CTNNB1: variants seen among roughly 807,000 people sequenced by gnomAD.
CTNNB1 encodes catenin beta-1.
In CTNNB1, 6 loss-of-function variants were observed where a neutral mutation model predicts 82.5. The observed-to-expected ratio is 0.07, with a 90% confidence interval of 0.04 to 0.14. CTNNB1 has a LOEUF of 0.14. Ranked by LOEUF, CTNNB1 falls within the 10% of genes least tolerant of loss-of-function variation. CTNNB1 has a pLI of 1.00. For synonymous variants in CTNNB1, 312 were observed against 329.7 expected (o/e 0.95, Z 0.58); for missense variants, 529 against 980.4 (o/e 0.54, Z 6.15).
Position 41,239,571 on chromosome 3 carries a change from T to G in CTNNB1, c.*229T>G, listed in dbSNP as rs1254713454. The G allele has an allele frequency of 5.3e-6, 3 of 570,294 alleles. No homozygotes were observed. The highest frequency in any genetic ancestry group is 9.4e-6 in the Non-Finnish European group (3 of 319,030). The allele number at this position is 570,294 out of a possible 1,614,324, so 35.3% of individuals were successfully genotyped here. On this transcript the variant is annotated 3_prime_UTR_variant, in exon 15 of 15. Coordinates refer to ENST00000349496, the MANE Select transcript of CTNNB1 (RefSeq NM_001904.4). ...TGTGTGGAAGTTATTAACTTTAATG[T>G]TTTTTGCCACAGCTTTTGCAACTTA...
chr3:41,217,273 T>TA (rs1306367964), intron 1 of CTNNB1, among the ~76,000 whole-genome samples: 1 of 152,176 alleles, frequency 6.6e-6, no homozygotes, highest in African/African-American at 2.4e-5. Flanking sequence ...GACCACCCAC[T>TA]AGAGTAGCAC....
intron 7 of CTNNB1, among the ~76,000 whole-genome samples, chr3:41,229,460 T>C (rs527827543): frequency 3.0e-4 from 46 of 152,316 alleles, no homozygotes; most frequent in African/African-American, 1.1e-3. Context: ...TTTATTCTTT[T>C]TGTGGCTTTG....
At chr3:41,234,015 T>G in intron 9 of CTNNB1, 124 bp from the exon 10 acceptor site, 1 of 1,449,882 alleles carries the variant, frequency 6.9e-7, no homozygotes, top group Non-Finnish European at 9.7e-7. Flanking sequence ...GGGGTAAGAT[T>G]CTGAAATGTT....
intron 1 of CTNNB1, among the ~76,000 whole-genome samples, chr3:41,205,316 T>C (rs1196498009): frequency 6.6e-6 from 1 of 152,224 alleles, no homozygotes; most frequent in African/African-American, 2.4e-5. Context: ...TTACTTAAAT[T>C]AATGGCAAAT....
At chr3:41,234,645 A>C in intron 10 of CTNNB1, 1 of 302,302 alleles carries the variant, frequency 3.3e-6, no homozygotes, top group Non-Finnish European at 6.3e-6. Context: ...AGAGCCTCTT[A>C]CCCTTGCCTC....
intron 7 of CTNNB1, among the ~76,000 whole-genome samples, chr3:41,230,743 T>C (rs991070920): frequency 6.6e-6 from 1 of 152,078 alleles, no homozygotes; most frequent in Non-Finnish European, 1.5e-5. Flanking sequence ...CTTGTCTATA[T>C]GAGAAGTGAG....
At chr3:41,218,560 T>C (rs921536025) in intron 1 of CTNNB1, among the ~76,000 whole-genome samples, 3 of 152,110 alleles carry the variant, frequency 2.0e-5, no homozygotes, top group African/African-American at 7.2e-5. Context: ...AAACTAAGAG[T>C]TGTTTTCTGT....
At chr3:41,204,052 A>G (rs1201527456) in intron 1 of CTNNB1, among the ~76,000 whole-genome samples, 1 of 151,496 alleles carries the variant, frequency 6.6e-6, no homozygotes, top group African/African-American at 2.4e-5. Context: ...ACATTGGTAT[A>G]TGATTTTTTA....
Position 41,236,528 on chromosome 3 carries a change from C to T in CTNNB1, c.1954+29C>T, listed in dbSNP as rs1465236163. On this transcript the variant is annotated intron_variant, in intron 12 of 14. Coordinates refer to ENST00000349496, the MANE Select transcript of CTNNB1 (RefSeq NM_001904.4). ...AGTAAAAAGGAACCAAAGCCTTTAG[C>T]AGATGTGTACATTGAAGTCTCAGTT... 1.1e-5 allele frequency: 17 copies of T among 1,614,178 alleles called. No individual in the cohort carries two copies. In the East Asian group the frequency reaches 1.3e-4, roughly 13 times the overall value.
At chr3:41,206,531 T>C (rs1038458538) in intron 1 of CTNNB1, among the ~76,000 whole-genome samples, 2 of 152,188 alleles carry the variant, frequency 1.3e-5, no homozygotes, top group African/African-American at 4.8e-5. Context: ...TAAGTGGTGA[T>C]AGTAGTTTGC....
chr3:41,230,330 T>C (rs1035527233), intron 7 of CTNNB1, among the ~76,000 whole-genome samples: 2 of 152,218 alleles, frequency 1.3e-5, no homozygotes, highest in Non-Finnish European at 2.9e-5. Context: ...TTAATTTTTA[T>C]ATCAAGATCT....
chr3:41,230,548 T>C (rs538182312), intron 7 of CTNNB1, among the ~76,000 whole-genome samples: 1 of 152,370 alleles, frequency 6.6e-6, no homozygotes, highest in South Asian at 2.1e-4. Flanking sequence ...GCTTAATTCT[T>C]AGTCTTGTGA....
rs377665077 is a variant in CTNNB1 at position 41,235,456 on chromosome 3, T to C, written c.1684-268T>C. The C allele has an allele frequency of 4.1e-5, 21 of 515,970 alleles. No individual in the cohort carries two copies. In the South Asian group the frequency reaches 4.1e-4, roughly 10 times the overall value. 32.0% of individuals were successfully genotyped at this position (515,970 alleles called of 1,614,324 possible). ...CTTTTACCCAGAATGATTGGTGCCCTTACTGTAGGAAAGTTGTCTTTGGGA... is the reference window on the plus strand; with the variant it reads ...CTTTTACCCAGAATGATTGGTGCCCCTACTGTAGGAAAGTTGTCTTTGGGA... On this transcript the variant is annotated intron_variant, in intron 10 of 14. Coordinates refer to ENST00000349496, the MANE Select transcript of CTNNB1 (RefSeq NM_001904.4).
At chr3:41,200,030 C>T (rs1022429831) in intron 1 of CTNNB1, 90 of 134,304 alleles carry the variant, frequency 6.7e-4, no homozygotes, top group Middle Eastern at 4.1e-3. Context: ...GGGGGAGGGA[C>T]CCGGTGCCTC....
intron 10 of CTNNB1, chr3:41,234,574 A>G (rs2078389021): frequency 2.2e-6 from 1 of 453,428 alleles, no homozygotes; most frequent in Admixed American, 3.4e-5. Flanking sequence ...TAATTTACAC[A>G]AAGGCCCACT....
At chr3:41,220,128 C>CAGTT (rs1253645459) in intron 1 of CTNNB1, among the ~76,000 whole-genome samples, 87 of 151,712 alleles carry the variant, frequency 5.7e-4, no homozygotes, top group Middle Eastern at 3.4e-3. Flanking sequence ...GGAAGGAAGA[C>CAGTT]AGTTATGAAG....
In CTNNB1 at chr3:41,238,050, G is replaced by A; in HGVS notation, c.2111G>A (p.Gly704Glu). The A allele has an allele frequency of 6.2e-7, 1 of 1,613,916 alleles. No individual in the cohort carries two copies. Among genetic ancestry groups the A allele is most frequent in the Non-Finnish European group, 8.5e-7 (1 of 1,179,854 alleles). The change falls in exon 14 of 15, where the codon GGA becomes GAA. Residue 704 changes from glycine (G) to glutamate (E), a missense_variant. Transcript: ENST00000349496. Reference protein sequence around the residue: ...ADLGLDIGAQGEPLGYRQDDP... With the variant: ...ADLGLDIGAQEEPLGYRQDDP... The stretch of plus-strand genomic sequence containing the variant: ...CTTGGACTTGATATTGGTGCCCAGG[G>A]AGAACCCCTTGGATATCGCCAGGAT...
chr3:41,236,027 C>T, intron 11 of CTNNB1, 184 bp downstream of exon 11: 3 of 798,218 alleles, frequency 3.8e-6, no homozygotes, highest in Non-Finnish European at 6.1e-6. Context: ...GGAGATTTCA[C>T]ATTTCACTTT....
At chr3:41,227,155 G>T (rs2125627237) in intron 6 of CTNNB1, 53 bp from the exon 7 acceptor site, 1 of 1,465,598 alleles carries the variant, frequency 6.8e-7, no homozygotes. Context: ...GCTCTTCTCA[G>T]ACATGTGATC....
Sources: allele counts gnomAD v4.1 joint callset (sites outside exome capture counted in the v4.1 genomes callset), GRCh38; gene constraint gnomAD v4.1.1; transcripts MANE v1.5; gene names NCBI Gene and HGNC (gene_info 2026-07-23, HGNC 2026-07-21).